DLG2: variants seen among roughly 807,000 people sequenced by gnomAD.
The protein encoded by DLG2 is discs large MAGUK scaffold protein 2.
Under a neutral mutation model 132.5 loss-of-function variants are expected in DLG2, and 45 were observed. The observed-to-expected ratio is 0.34, with a 90% CI of 0.27 to 0.44. The LOEUF is 0.44. Ranked by LOEUF, DLG2 falls within the 20% of genes least tolerant of loss-of-function variation. The probability of loss-of-function intolerance (pLI) is 1.00; values close to 1 mark genes in which losing one functional copy is unlikely to be tolerated. For synonymous variants in DLG2, 424 were observed against 419.6 expected (o/e 1.01, Z -0.13); for missense variants, 1,045 against 1,196.9 (o/e 0.87, Z 1.87).
chr11:84,652,038 G>GA (rs1163220678), intron 6 of DLG2, among the ~76,000 whole-genome samples: 1 of 151,948 alleles, frequency 6.6e-6, no homozygotes, highest in African/African-American at 2.4e-5. Flanking sequence ...GGGAAGAGAG[G>GA]AAAAAAATAG....
intron 3 of DLG2, among the ~76,000 whole-genome samples, chr11:85,580,261 C>G (rs778585947): frequency 6.6e-6 from 1 of 152,144 alleles, no homozygotes; most frequent in Non-Finnish European, 1.5e-5. Context: ...AGCATAAAAA[C>G]GGACTAATAC....
chr11:85,598,762 C>A lies in DLG2; in HGVS notation c.-66G>T. The A allele has an allele frequency of 1.5e-6, 2 of 1,346,396 alleles. No homozygotes were observed. Among genetic ancestry groups the A allele is most frequent in the Non-Finnish European group, 2.0e-6 (2 of 980,084 alleles). The allele number at this position is 1,346,396 out of a possible 1,614,324, so 83.4% of individuals were successfully genotyped here. A position where few individuals can be genotyped will look rare whatever the true frequency, so the allele number is the denominator to read the frequency against. On this transcript the variant is annotated 5_prime_UTR_variant, in exon 3 of 28. Coordinates refer to ENST00000376104, the MANE Select transcript of DLG2 (RefSeq NM_001142699.3). ...TTCCTTAATTTTTTGCAGTATTCTT[C>A]CAGTAATGATAAAGCTCGGTCAGTA...
chr11:85,398,134 C>A (rs1008746917), intron 3 of DLG2, among the ~76,000 whole-genome samples: 1 of 152,168 alleles, frequency 6.6e-6, no homozygotes, highest in Admixed American at 6.6e-5. Flanking sequence ...TCACTCAAAA[C>A]CGCACAACTT....
At chr11:84,903,509 A>T (rs550744145) in intron 6 of DLG2, among the ~76,000 whole-genome samples, 55 of 152,182 alleles carry the variant, frequency 3.6e-4, no homozygotes, top group Admixed American at 3.1e-3. Context: ...ACTCAGGGGC[A>T]GGAATCTTTC....
chr11:83,975,669 G>T (rs1333470264), intron 12 of DLG2, among the ~76,000 whole-genome samples: 2 of 151,872 alleles, frequency 1.3e-5, no homozygotes, highest in Non-Finnish European at 2.9e-5. Flanking sequence ...ATTTACAGAA[G>T]ATAAATGAAT....
chr11:85,170,534 A>C (rs72945914), intron 4 of DLG2, among the ~76,000 whole-genome samples: 14,913 of 152,160 alleles, frequency 0.098, 1,001 homozygotes, highest in African/African-American at 0.19. Flanking sequence ...TGAGCCCCTT[A>C]CAATCTCCTT....
At chr11:83,815,399 TC>T (rs2048580273) in intron 17 of DLG2, 1 of 152,340 alleles carries the variant, frequency 6.6e-6, no homozygotes, top group Non-Finnish European at 1.5e-5. Flanking sequence ...GTGAATAACC[TC>T]CTCTGAAGCA....
intron 18 of DLG2, among the ~76,000 whole-genome samples, chr11:83,764,111 T>C (rs527245451): frequency 6.6e-6 from 1 of 152,328 alleles, no homozygotes; most frequent in South Asian, 2.1e-4. Flanking sequence ...CATTTCTTAA[T>C]GAATGGGAGT....
At chr11:85,597,679 A>G (rs909436026) in intron 3 of DLG2, among the ~76,000 whole-genome samples, 3 of 151,724 alleles carry the variant, frequency 2.0e-5, no homozygotes, top group African/African-American at 4.8e-5. Context: ...TTTATCAAAA[A>G]GTACAGATAT....
intron 11 of DLG2, among the ~76,000 whole-genome samples, chr11:83,980,931 C>G (rs2154174194): frequency 6.6e-6 from 1 of 152,268 alleles, no homozygotes; most frequent in African/African-American, 2.4e-5. Context: ...ATAAGGGTAA[C>G]TGGCCAGAGC....
intron 24 of DLG2, among the ~76,000 whole-genome samples, chr11:83,470,890 A>C (rs1474630318): frequency 1.3e-5 from 2 of 152,088 alleles, no homozygotes; most frequent in African/African-American, 4.8e-5. Flanking sequence ...TAATAAATTA[A>C]AATTTCCTGA....
intron 6 of DLG2, among the ~76,000 whole-genome samples, chr11:84,919,854 C>G (rs568684495): frequency 1.4e-4 from 21 of 152,250 alleles, no homozygotes; most frequent in African/African-American, 4.8e-4. Flanking sequence ...ATAATATAGA[C>G]AATTTCAGAT....
chr11:85,220,304 T>C (rs1405733126), intron 4 of DLG2, among the ~76,000 whole-genome samples: 1 of 152,080 alleles, frequency 6.6e-6, no homozygotes, highest in Non-Finnish European at 1.5e-5. Flanking sequence ...AAGAAGGTGC[T>C]ATTTAAGCAT....
At chr11:84,088,438 A>C (rs988811454) in intron 10 of DLG2, among the ~76,000 whole-genome samples, 1 of 152,096 alleles carries the variant, frequency 6.6e-6, no homozygotes, top group African/African-American at 2.4e-5. Context: ...TATTTCGGTC[A>C]ACTCATAGGT....
intron 7 of DLG2, among the ~76,000 whole-genome samples, chr11:84,482,990 T>G (rs1258554106): frequency 2.0e-5 from 3 of 152,162 alleles, no homozygotes; most frequent in African/African-American, 7.2e-5. Context: ...GTTCAAACAT[T>G]AGGCCAGAGA....
At chr11:85,308,183 A>AATAAAATAAT (rs1555044697) in intron 3 of DLG2, among the ~76,000 whole-genome samples, 4 of 149,488 alleles carry the variant, frequency 2.7e-5, no homozygotes, top group African/African-American at 4.9e-5. Context: ...AATAAAATAA[A>AATAAAATAAT]ATAAAATAAA....
In DLG2 at chr11:84,502,386, CTTTCTTTCTTTCTTTCTTTCTTT is replaced by C. The variant is rs1567806990; in HGVS notation, c.519+32161_519+32183del. 2.2e-3 allele frequency among the ~76,000 whole-genome samples: 201 copies of C among 90,812 alleles called. 7 individuals are homozygous for C. Among genetic ancestry groups the C allele is most frequent in the African/African-American group, 2.4e-3 (44 of 18,378 alleles). The allele number at this position is 90,812 out of a possible 152,430, so 59.6% of individuals were successfully genotyped here. On this transcript the variant is annotated intron_variant, in intron 7 of 27. Coordinates refer to ENST00000376104, the MANE Select transcript of DLG2 (RefSeq NM_001142699.3). ...TCTTTCTTTCTTTCTTTCTTTCTTT[CTTTCTTTCTTTCTTTCTTTCTTT>C]CTTTCTATACAGAGTCTCATGCTGT...
chr11:84,321,452 T>C (rs2098404311), intron 7 of DLG2, among the ~76,000 whole-genome samples: 1 of 152,134 alleles, frequency 6.6e-6, no homozygotes, highest in Non-Finnish European at 1.5e-5. Flanking sequence ...TTTAAAGTAG[T>C]TTGGATGGTC....
At chr11:84,187,721 C>T (rs1014771604) in intron 8 of DLG2, among the ~76,000 whole-genome samples, 4 of 152,018 alleles carry the variant, frequency 2.6e-5, no homozygotes, top group Non-Finnish European at 5.9e-5. Flanking sequence ...CTTTACACCT[C>T]TTGTCTGTTA....
Sources: gnomAD v4.1 joint callset for allele counts (sites outside exome capture counted in the v4.1 genomes callset) on GRCh38, gnomAD v4.1.1 for gene constraint, MANE v1.5 for transcripts, NCBI Gene and HGNC (gene_info 2026-07-23, HGNC 2026-07-21) for gene names.